MS4A8: variants seen among roughly 807,000 people sequenced by gnomAD.
The protein encoded by MS4A8 is membrane spanning 4-domains A8, also known as membrane-spanning 4-domains subfamily A member 8.
A neutral mutation model predicts 23.7 loss-of-function variants in MS4A8; 27 were observed. The ratio of observed to expected loss-of-function variants is 1.14; its 90% CI spans 0.84 to 1.57. The LOEUF (loss-of-function observed/expected upper bound fraction) is 1.57, where lower values mean the gene tolerates loss of function less well. Among genes scored for constraint, MS4A8 ranks in the 40% most tolerant of loss-of-function variants. The pLI, the probability that MS4A8 is intolerant of heterozygous loss-of-function variation, is 0.00. For synonymous variants in MS4A8, 138 were observed against 126.3 expected (o/e 1.09, Z -0.62); for missense variants, 301 against 311.4 (o/e 0.97, Z 0.25).
At chr11:60,701,449 AT>A (rs2088204182) in intron 2 of MS4A8, 2 of 385,828 alleles carry the variant, frequency 5.2e-6, no homozygotes, top group Admixed American at 7.0e-5. Context: ...CGAATCAAAT[AT>A]TTGCCCAACA....
At chr11:60,710,571 G>A (rs574490370) in intron 5 of MS4A8, among the ~76,000 whole-genome samples, 4 of 151,984 alleles carry the variant, frequency 2.6e-5, no homozygotes, top group Non-Finnish European at 4.4e-5. Flanking sequence ...CTGAGCCACC[G>A]CATCTCTCAT....
intron 5 of MS4A8, chr11:60,712,427 G>GGA: frequency 1.0e-6 from 1 of 985,360 alleles, no homozygotes; most frequent in Non-Finnish European, 1.2e-6. Context: ...AAGGGGCTAA[G>GGA]GAGAGGCCTC....
At chr11:60,701,223 A>G in intron 2 of MS4A8, 144 bp downstream of exon 2, 1 of 774,084 alleles carries the variant, frequency 1.3e-6, no homozygotes, top group Non-Finnish European at 2.2e-6. Flanking sequence ...GGTCTATTAG[A>G]AAGCTCAGCT....
At position 60,715,397 on chromosome 11, in the gene MS4A8, A is replaced by G; in HGVS notation, c.736A>G (p.Ile246Val). The change falls in exon 7 of 7, where the codon ATC becomes GTC. Residue 246 changes from isoleucine to valine, a missense_variant. Coordinates refer to ENST00000300226, the MANE Select transcript of MS4A8 (RefSeq NM_031457.2). ...VTSPPSYSSEIQANK is the reference protein window; with the variant it reads ...VTSPPSYSSEVQANK ...CTCACCACCAAGTTATTCCAGTGAG[A>G]TCCAAGCAAATAAGTAAGGCTACAG... The G allele has an allele frequency of 6.2e-7, 1 of 1,613,560 alleles. No homozygotes were observed. The highest frequency in any genetic ancestry group is 8.5e-7 in the Non-Finnish European group (1 of 1,179,610).
chr11:60,707,275 A>C (rs75055663), intron 4 of MS4A8, among the ~76,000 whole-genome samples: 1 of 152,116 alleles, frequency 6.6e-6, no homozygotes, highest in East Asian at 1.9e-4. Flanking sequence ...GGGGCAATAC[A>C]GTCACCTTAG....
rs1485258434 is a variant in MS4A8, at chr11:60,699,649, T to A, written c.-128T>A. On this transcript the variant is annotated 5_prime_UTR_variant, in exon 1 of 7. Coordinates refer to ENST00000300226, the MANE Select transcript of MS4A8 (RefSeq NM_031457.2). Reference sequence around the variant, plus strand: ...GGCCTGCATCCAGGAAATAGAGGACTTCGGATCCTTCTAACCCTACCACCC... The same window carrying A: ...GGCCTGCATCCAGGAAATAGAGGACATCGGATCCTTCTAACCCTACCACCC... 1 of 152,162 alleles carries A rather than the reference T, an allele frequency of 6.6e-6. No homozygotes were observed. 9.4% of individuals were successfully genotyped at this position (152,162 alleles called of 1,614,324 possible).
rs2088201083 is a variant in MS4A8 at position 60,701,174 on chromosome 11, C to T, written c.219+95C>T. The T allele has an allele frequency of 6.7e-6, 8 of 1,195,340 alleles. No homozygotes were observed. The Admixed American group carries it at 9.8e-5, about 15-fold the overall frequency. 74.0% of individuals were successfully genotyped at this position (1,195,340 alleles called of 1,614,324 possible). On this transcript the variant is annotated intron_variant, in intron 2 of 6. Transcript: ENST00000300226. ...TGGGAAATACACAAACACTACATCC[C>T]GCAAGTGGGGCTGAGTTGATCGCGC...
Position 60,706,006 on chromosome 11 carries a change from G to C in MS4A8, c.343-982G>C, listed in dbSNP as rs74918632. 6.7e-3 allele frequency among the ~76,000 whole-genome samples: 1,027 copies of C among 152,284 alleles called. 8 individuals are homozygous for C. The highest frequency in any genetic ancestry group is 0.01 in the Middle Eastern group (3 of 294). On this transcript the variant is annotated intron_variant, in intron 3 of 6. Transcript: ENST00000300226. ...GGTTGAACAAGTACTTCATCTGTTG[G>C]GGGGAGGGCGGTGATGGGTTGCTAG...
At chr11:60,711,706 A>G (rs1238883027) in intron 5 of MS4A8, 1 of 421,944 alleles carries the variant, frequency 2.4e-6, no homozygotes, top group African/African-American at 2.1e-5. Context: ...CTGGTGGAGG[A>G]ACTAAGGGAA....
chr11:60,710,393 G>A (rs936814839), intron 5 of MS4A8, among the ~76,000 whole-genome samples: 13 of 152,062 alleles, frequency 8.5e-5, no homozygotes, highest in African/African-American at 2.9e-4. Context: ...TCCAGTTGAT[G>A]GCAACTCCAT....
chr11:60,701,190 T>G, intron 2 of MS4A8, 111 bp downstream of exon 2: 1 of 1,041,632 alleles, frequency 9.6e-7, no homozygotes, highest in South Asian at 1.4e-5. Flanking sequence ...TGGGGCTGAG[T>G]TGATCGCGCC....
Position 60,715,651 on chromosome 11 carries a change from T to C in MS4A8, c.*237T>C. 2 of 514,360 alleles carry C rather than the reference T, an allele frequency of 3.9e-6. No individual in the cohort carries two copies. Among genetic ancestry groups the C allele is most frequent in the Non-Finnish European group, 7.0e-6 (2 of 285,610 alleles). 31.9% of individuals were successfully genotyped at this position (514,360 alleles called of 1,614,324 possible). On this transcript the variant is annotated 3_prime_UTR_variant, in exon 7 of 7. Coordinates refer to ENST00000300226, the MANE Select transcript of MS4A8 (RefSeq NM_031457.2). ...AGAGGGACTCCCTAGGGCACATGCA[T>C]CAGCACATATGTGGGCATCCAGCCT...
chr11:60,712,721 G>A (rs974369337), intron 5 of MS4A8, among the ~76,000 whole-genome samples: 2 of 151,818 alleles, frequency 1.3e-5, no homozygotes, highest in Admixed American at 1.3e-4. Flanking sequence ...TTCAACCCAG[G>A]AGGCGGAGCT....
At chr11:60,705,978 C>A (rs1200545489) in intron 3 of MS4A8, among the ~76,000 whole-genome samples, 1 of 152,144 alleles carries the variant, frequency 6.6e-6, no homozygotes, top group East Asian at 1.9e-4. Context: ...TTAAATGAGG[C>A]GAGGTTGAAC....
rs1227641971 is a variant in MS4A8 at position 60,715,071 on chromosome 11, G to A, written c.585G>A (p.Glu195=). ...SGVLLVFCLL[E]FGIACASSHF... The stretch of plus-strand genomic sequence containing the variant: ...TGCTGCTGGTCTTCTGCCTCCTGGA[G>A]TTTGGCATCGCATGCGCATCTTCCC... Residue 195 remains glutamate (E), a synonymous_variant, in exon 6 of 7, where the codon GAG becomes GAA. Coordinates refer to ENST00000300226, the MANE Select transcript of MS4A8 (RefSeq NM_031457.2). The A allele has an allele frequency of 5.0e-6, 8 of 1,614,162 alleles. No individual in the cohort carries two copies. Among genetic ancestry groups the A allele is most frequent in the Non-Finnish European group, 6.8e-6 (8 of 1,180,042 alleles).
chr11:60,701,031 G>C lies in MS4A8; in HGVS notation c.171G>C (p.Val57=). ...PGNPPSLVSN[V]NGQPVQKALK... Reference sequence around the variant, plus strand: ...ACCCACCTAGTTTGGTGTCGAATGTGAATGGGCAGCCTGTGCAGAAAGCTC... The same window carrying C: ...ACCCACCTAGTTTGGTGTCGAATGTCAATGGGCAGCCTGTGCAGAAAGCTC... Residue 57 remains valine, a synonymous_variant, in exon 2 of 7, where the codon GTG becomes GTC. Transcript: ENST00000300226. 1 of 1,614,190 alleles carries C rather than the reference G, an allele frequency of 6.2e-7. No homozygotes were observed. Among genetic ancestry groups the C allele is most frequent in the African/African-American group, 1.3e-5 (1 of 75,044 alleles).
chr11:60,708,346 T>C (rs927651413), intron 4 of MS4A8, among the ~76,000 whole-genome samples: 4 of 152,298 alleles, frequency 2.6e-5, no homozygotes, highest in South Asian at 4.1e-4. Flanking sequence ...CCCCAAAACC[T>C]TTCTTGCACA....
chr11:60,700,487 A>T (rs934628977), intron 1 of MS4A8, among the ~76,000 whole-genome samples: 3 of 152,150 alleles, frequency 2.0e-5, no homozygotes, highest in Admixed American at 6.5e-5. Flanking sequence ...CGGAGGTTGC[A>T]GTGAGCCAAG....
rs987829871 is a variant in MS4A8, at chr11:60,703,389, C to T, written c.231C>T (p.Ile77=). Residue 77 remains isoleucine (I), a synonymous_variant, in exon 3 of 7, where the codon ATC becomes ATT. Transcript: ENST00000300226. ...KEGKTLGAIQ[I]IIGLAHIGLG... is the part of the protein sequence containing the mutation. ...GGCTCTCCTGACAGGCCATCCAGAT[C>T]ATCATTGGCCTGGCTCACATCGGCC... 1 of 1,577,190 alleles carries T rather than the reference C, an allele frequency of 6.3e-7. No individual in the cohort carries two copies. Among genetic ancestry groups the T allele is most frequent in the African/African-American group, 1.4e-5 (1 of 72,548 alleles).
Sources: gnomAD v4.1 joint callset for allele counts (sites outside exome capture counted in the v4.1 genomes callset) on GRCh38, gnomAD v4.1.1 for gene constraint, MANE v1.5 for transcripts, NCBI Gene and HGNC (gene_info 2026-07-23, HGNC 2026-07-21) for gene names.